The following DCLK2 variants were observed in gnomAD, a reference collection of about 807,000 sequenced individuals.
The protein encoded by DCLK2 is serine/threonine-protein kinase DCLK2.
In DCLK2, 31 loss-of-function variants were observed where a neutral mutation model predicts 78.4. The observed-to-expected ratio is 0.40, with a 90% CI of 0.30 to 0.53. The LOEUF (loss-of-function observed/expected upper bound fraction) is 0.53. Ranked by LOEUF, DCLK2 falls within the 20% of genes least tolerant of loss-of-function variation. The pLI is 0.61. For synonymous variants in DCLK2, 407 were observed against 374.9 expected, an observed-to-expected ratio of 1.09 and a Z score of -0.99; for missense variants, 872 against 973.7, an observed-to-expected ratio of 0.90 and a Z score of 1.39.
intron 2 of DCLK2, among the ~76,000 whole-genome samples, chr4:150,188,871 C>T (rs991994682): frequency 7.0e-6 from 1 of 142,676 alleles, no homozygotes; most frequent in Non-Finnish European, 1.5e-5. Context: ...TGCCACTGCA[C>T]TCCAGCCTGG....
intron 1 of DCLK2, among the ~76,000 whole-genome samples, chr4:150,087,260 A>G (rs1210558964): frequency 1.3e-5 from 2 of 152,200 alleles, no homozygotes; most frequent in African/African-American, 4.8e-5. Context: ...GACATTTCAA[A>G]CTAAGTGACT....
chr4:150,120,046 G>A (rs1732406810), intron 2 of DCLK2, among the ~76,000 whole-genome samples: 1 of 152,136 alleles, frequency 6.6e-6, no homozygotes. Context: ...ATAGCAATTT[G>A]TACCAGTATG....
At chr4:150,143,799 T>A (rs1734266505) in intron 2 of DCLK2, among the ~76,000 whole-genome samples, 1 of 152,116 alleles carries the variant, frequency 6.6e-6, no homozygotes, top group Non-Finnish European at 1.5e-5. Context: ...TTTCTCTGAC[T>A]AGTTATATTG....
intron 2 of DCLK2, among the ~76,000 whole-genome samples, chr4:150,103,185 A>G (rs937926778): frequency 6.6e-6 from 1 of 152,212 alleles, no homozygotes; most frequent in Non-Finnish European, 1.5e-5. Context: ...GGACTTGGGT[A>G]TCACAGGAGT....
intron 2 of DCLK2, among the ~76,000 whole-genome samples, chr4:150,148,579 G>C (rs1031505965): frequency 2.0e-5 from 3 of 152,058 alleles, no homozygotes; most frequent in Non-Finnish European, 2.9e-5. Flanking sequence ...CTTATTTATA[G>C]TGAATGTTAA....
intron 3 of DCLK2, among the ~76,000 whole-genome samples, chr4:150,194,275 A>G (rs1312458134): frequency 1.3e-5 from 2 of 152,142 alleles, no homozygotes; most frequent in Non-Finnish European, 2.9e-5. Flanking sequence ...CCCAGGAGCA[A>G]TAGACTATAC....
At chr4:150,234,154 G>A (rs778515392) in intron 10 of DCLK2, among the ~76,000 whole-genome samples, 4 of 152,118 alleles carry the variant, frequency 2.6e-5, no homozygotes, top group East Asian at 3.8e-4. Flanking sequence ...CATTTGCAGC[G>A]TCCTCTCTTC....
chr4:150,133,291 G>A (rs964735989), intron 2 of DCLK2, among the ~76,000 whole-genome samples: 4 of 148,432 alleles, frequency 2.7e-5, no homozygotes, highest in Non-Finnish European at 5.9e-5. Flanking sequence ...TCACCTTGAT[G>A]TGCACAGCGC....
intron 15 of DCLK2, among the ~76,000 whole-genome samples, chr4:150,250,017 G>C (rs1560911028): frequency 6.6e-6 from 1 of 152,090 alleles, no homozygotes; most frequent in Non-Finnish European, 1.5e-5. Context: ...GTTGTGTTAG[G>C]AATTAACTCC....
rs1580454769 is a variant in DCLK2, at chr4:150,078,738, T to G, written c.-290T>G. The stretch of plus-strand genomic sequence containing the variant: ...GCGGGACTTGTGAGGCGTGGCCGGG[T>G]GGAGGAGGCGCTTGCGGGGGCGTGG... On this transcript the variant is annotated 5_prime_UTR_variant, in exon 1 of 16. Transcript: ENST00000296550. 1 of 267,500 alleles carries G rather than the reference T, an allele frequency of 3.7e-6. No individual in the cohort carries two copies. Among genetic ancestry groups the G allele is most frequent in the Non-Finnish European group, 7.0e-6 (1 of 143,482 alleles). The allele number at this position is 267,500 out of a possible 1,614,324, so 16.6% of individuals were successfully genotyped here. A position where few individuals can be genotyped will look rare whatever the true frequency, so the allele number is the denominator to read the frequency against.
chr4:150,217,352 A>G (rs752038939), intron 5 of DCLK2, among the ~76,000 whole-genome samples: 37 of 152,212 alleles, frequency 2.4e-4, no homozygotes, highest in Admixed American at 2.4e-3. Flanking sequence ...CTGTCCAGAG[A>G]TCTTACTGAA....
At chr4:150,083,101 G>A (rs1399420394) in intron 1 of DCLK2, among the ~76,000 whole-genome samples, 1 of 152,064 alleles carries the variant, frequency 6.6e-6, no homozygotes, top group African/African-American at 2.4e-5. Flanking sequence ...ATTATCTGAG[G>A]GGTTATTGTT....
chr4:150,185,701 G>C (rs192880601), intron 2 of DCLK2, among the ~76,000 whole-genome samples: 7 of 120,580 alleles, frequency 5.8e-5, no homozygotes, highest in Admixed American at 1.8e-4. Flanking sequence ...GCGACAGAGT[G>C]AGATTTCATC....
intron 5 of DCLK2, among the ~76,000 whole-genome samples, chr4:150,210,987 A>G (rs1740265364): frequency 6.6e-6 from 1 of 151,890 alleles, no homozygotes; most frequent in Admixed American, 6.6e-5. Context: ...AGGTTATCCC[A>G]AAATTTAGCA....
chr4:150,117,049 G>C (rs1409310953), intron 2 of DCLK2, among the ~76,000 whole-genome samples: 1 of 152,156 alleles, frequency 6.6e-6, no homozygotes, highest in African/African-American at 2.4e-5. Context: ...ACCAGGGTGG[G>C]TGGAGGGACA....
At chr4:150,193,502 CCT>C (rs1738630725) in intron 3 of DCLK2, among the ~76,000 whole-genome samples, 1 of 152,148 alleles carries the variant, frequency 6.6e-6, no homozygotes, top group Non-Finnish European at 1.5e-5. Flanking sequence ...AATTCAGTTC[CCT>C]CTCTTATTGC....
intron 2 of DCLK2, among the ~76,000 whole-genome samples, chr4:150,126,675 A>G (rs979746989): frequency 6.6e-6 from 1 of 152,238 alleles, no homozygotes; most frequent in Admixed American, 6.5e-5. Context: ...CAAATTGTAC[A>G]CAGAGATTAT....
At chr4:150,244,855 C>T (rs1480511681) in intron 12 of DCLK2, among the ~76,000 whole-genome samples, 3 of 152,172 alleles carry the variant, frequency 2.0e-5, no homozygotes, top group African/African-American at 7.2e-5. Flanking sequence ...GGTATTTTGC[C>T]AAGAACCAGC....
At chr4:150,250,591 C>T (rs892616135) in intron 15 of DCLK2, among the ~76,000 whole-genome samples, 1 of 151,860 alleles carries the variant, frequency 6.6e-6, no homozygotes, top group African/African-American at 2.4e-5. Context: ...ATCAGACCTG[C>T]CAAGGTGATG....
Sources: allele counts gnomAD v4.1 joint callset (sites outside exome capture counted in the v4.1 genomes callset), GRCh38; gene constraint gnomAD v4.1.1; transcripts MANE v1.5; gene names NCBI Gene and HGNC (gene_info 2026-07-23, HGNC 2026-07-21).